The following CCSER1 variants were observed in gnomAD, a reference collection of about 807,000 sequenced individuals.
CCSER1 encodes coiled-coil serine rich protein 1, also known as serine-rich coiled-coil domain-containing protein 1.
Under a neutral mutation model 82.0 loss-of-function variants are expected in CCSER1, and 41 were observed. That is an observed-to-expected ratio of 0.50 (90% confidence interval 0.39 to 0.65). CCSER1 has a LOEUF of 0.65. CCSER1 is among the 30% of genes least tolerant of loss of function. CCSER1 has a pLI of 0.00. For missense variants in CCSER1, 1,119 were observed against 1,064.2 expected, an observed-to-expected ratio of 1.05 and a Z score of -0.72; for synonymous variants, 414 against 383.9, an observed-to-expected ratio of 1.08 and a Z score of -0.92.
intron 10 of CCSER1, among the ~76,000 whole-genome samples, chr4:91,174,868 G>T (rs564083077): frequency 1.3e-5 from 2 of 149,938 alleles, no homozygotes; most frequent in African/African-American, 4.9e-5. Flanking sequence ...ACATGTGCAC[G>T]ACATGCAGAT....
At chr4:91,571,975 G>T (rs748374055) in intron 10 of CCSER1, among the ~76,000 whole-genome samples, 3 of 152,086 alleles carry the variant, frequency 2.0e-5, no homozygotes, top group Non-Finnish European at 4.4e-5. Flanking sequence ...TCATTAGTTC[G>T]AGGGTGGCAA....
At chr4:90,485,094 CT>C (rs1485017341) in intron 5 of CCSER1, among the ~76,000 whole-genome samples, 1 of 152,198 alleles carries the variant, frequency 6.6e-6, no homozygotes, top group African/African-American at 2.4e-5. Flanking sequence ...CTCCCCCAGC[CT>C]TGCTGCCACC....
chr4:91,153,701 T>G (rs906181020), intron 10 of CCSER1, among the ~76,000 whole-genome samples: 2 of 151,976 alleles, frequency 1.3e-5, no homozygotes, highest in Non-Finnish European at 2.9e-5. Flanking sequence ...GTGGATGTCC[T>G]TTCTGTTTGT....
chr4:91,018,786 C>G (rs909413684), intron 9 of CCSER1, among the ~76,000 whole-genome samples: 2 of 151,894 alleles, frequency 1.3e-5, no homozygotes, highest in African/African-American at 4.8e-5. Flanking sequence ...CTGGACCAAC[C>G]CTTACTTTTT....
Position 90,815,764 on chromosome 4 carries a change from T to C in CCSER1, c.2013T>C (p.Asp671=). ...PLTEEPVPFK[D]IMKDECSMLK... is the part of the protein sequence containing the mutation. The stretch of plus-strand genomic sequence containing the variant: ...CTGTCTCTTTGATGTTTTTATAGGA[T>C]ATAATGAAAGATGAATGCTCGATGC... Residue 671 remains aspartate (D), a splice_region_variant and synonymous_variant, in exon 8 of 11, where the codon GAT becomes GAC. Transcript: ENST00000509176. 2 of 1,549,902 alleles carry C rather than the reference T, an allele frequency of 1.3e-6. No individual in the cohort carries two copies. Among genetic ancestry groups the C allele is most frequent in the Non-Finnish European group, 1.7e-6 (2 of 1,145,758 alleles).
intron 5 of CCSER1, among the ~76,000 whole-genome samples, chr4:90,484,190 C>A (rs1766586823): frequency 6.7e-6 from 1 of 150,000 alleles, no homozygotes; most frequent in Non-Finnish European, 1.5e-5. Context: ...GTGCATTCAT[C>A]ACGTAGTTCT....
At chr4:90,189,777 A>G (rs1388603740) in intron 1 of CCSER1, among the ~76,000 whole-genome samples, 1 of 151,960 alleles carries the variant, frequency 6.6e-6, no homozygotes, top group African/African-American at 2.4e-5. Context: ...CATTCTTACA[A>G]TTTTATCCCT....
chr4:90,749,051 A>G (rs901248665), intron 7 of CCSER1, among the ~76,000 whole-genome samples: 1 of 151,444 alleles, frequency 6.6e-6, no homozygotes, highest in Admixed American at 6.6e-5. Context: ...ATTAGATCCC[A>G]TTTGTCAATT....
chr4:90,641,983 C>A, intron 6 of CCSER1: 1 of 332,490 alleles, frequency 3.0e-6, no homozygotes, highest in Non-Finnish European at 6.8e-6. Context: ...TGTAAAACAA[C>A]TCACATACTT....
chr4:91,250,356 A>G (rs1027065643), intron 10 of CCSER1, among the ~76,000 whole-genome samples: 2 of 152,134 alleles, frequency 1.3e-5, no homozygotes, highest in Non-Finnish European at 2.9e-5. Context: ...ATGTGTGTGT[A>G]TATGTATGTT....
intron 5 of CCSER1, among the ~76,000 whole-genome samples, chr4:90,488,348 C>A (rs1767452179): frequency 6.6e-6 from 1 of 151,874 alleles, no homozygotes; most frequent in Admixed American, 6.6e-5. Flanking sequence ...CCACCACACC[C>A]AGCTAATTTT....
chr4:90,274,945 A>G (rs1358995063), intron 1 of CCSER1, among the ~76,000 whole-genome samples: 1 of 152,188 alleles, frequency 6.6e-6, no homozygotes, highest in Non-Finnish European at 1.5e-5. Context: ...AGTAATTAAG[A>G]CACAGCAGAA....
intron 8 of CCSER1, among the ~76,000 whole-genome samples, chr4:90,849,977 T>G (rs1421200015): frequency 1.3e-5 from 2 of 151,792 alleles, no homozygotes; most frequent in African/African-American, 4.8e-5. Context: ...GAAAAATGGT[T>G]TCATGGGCTG....
Position 91,598,898 on chromosome 4 carries a change from C to T in CCSER1, c.2544C>T (p.Asp848=), listed in dbSNP as rs1764707968. Residue 848 remains aspartate, a synonymous_variant, in exon 11 of 11, where the codon GAC becomes GAT. Transcript: ENST00000509176. Reference sequence around the variant, plus strand: ...CCACGTTCTTAGAGAAACCAAAGGACCAAGTTGCTACGGCCCGACAGCATT... The same window carrying T: ...CCACGTTCTTAGAGAAACCAAAGGATCAAGTTGCTACGGCCCGACAGCATT... ...GLSTFLEKPK[D]QVATARQHST... The T allele has an allele frequency of 6.4e-7, 1 of 1,551,498 alleles. No homozygotes were observed. Among genetic ancestry groups the T allele is most frequent in the African/African-American group, 1.4e-5 (1 of 73,028 alleles).
intron 10 of CCSER1, among the ~76,000 whole-genome samples, chr4:91,232,756 G>A (rs1738721674): frequency 6.6e-6 from 1 of 151,702 alleles, no homozygotes; most frequent in African/African-American, 2.4e-5. Context: ...GTATCTCTGT[G>A]TGTATTCCAA....
chr4:90,824,301 A>G (rs577258843), intron 8 of CCSER1, among the ~76,000 whole-genome samples: 1 of 152,238 alleles, frequency 6.6e-6, no homozygotes, highest in African/African-American at 2.4e-5. Flanking sequence ...CTGTAAGGCA[A>G]GTTCTCGGCT....
chr4:90,532,780 C>T (rs974796671), intron 5 of CCSER1, among the ~76,000 whole-genome samples: 7 of 152,038 alleles, frequency 4.6e-5, no homozygotes, highest in Non-Finnish European at 8.8e-5. Context: ...ATTTTTGTAG[C>T]TTTATATCTC....
intron 10 of CCSER1, among the ~76,000 whole-genome samples, chr4:91,407,527 A>G (rs1475805157): frequency 1.3e-5 from 2 of 152,238 alleles, no homozygotes; most frequent in Admixed American, 1.3e-4. Flanking sequence ...GTTACTATAA[A>G]GAAACACTTG....
At chr4:90,682,460 G>A (rs1036114364) in intron 6 of CCSER1, among the ~76,000 whole-genome samples, 4 of 151,706 alleles carry the variant, frequency 2.6e-5, no homozygotes, top group African/African-American at 9.7e-5. Flanking sequence ...TTCTCCAAAG[G>A]ACCTGTATTA....
Sources: gnomAD v4.1 joint callset for allele counts (sites outside exome capture counted in the v4.1 genomes callset) on GRCh38, gnomAD v4.1.1 for gene constraint, MANE v1.5 for transcripts, NCBI Gene and HGNC (gene_info 2026-07-23, HGNC 2026-07-21) for gene names.